SCNN1B: variants seen among roughly 807,000 people sequenced by gnomAD.
SCNN1B encodes the protein epithelial sodium channel subunit beta.
SCNN1B carries 46 observed loss-of-function variants against 65.3 expected under a neutral mutation model. The observed-to-expected ratio is 0.70, with a 90% CI of 0.56 to 0.90. SCNN1B has a LOEUF of 0.90. SCNN1B is among the 40% of genes least tolerant of loss of function. The probability of loss-of-function intolerance (pLI) is 0.00; values close to 1 mark genes in which losing one functional copy is unlikely to be tolerated. For synonymous variants in SCNN1B, 349 were observed against 330.6 expected (o/e 1.06, Z -0.60); for missense variants, 751 against 830.5 (o/e 0.90, Z 1.18).
chr16:23,351,436 A>C (rs1179210221), intron 2 of SCNN1B, among the ~76,000 whole-genome samples: 1 of 152,172 alleles, frequency 6.6e-6, no homozygotes, highest in East Asian at 1.9e-4. Flanking sequence ...AGAAGCTGTG[A>C]ACATCTAGGC....
intron 1 of SCNN1B, among the ~76,000 whole-genome samples, chr16:23,304,272 CAT>C (rs1039900096): frequency 6.6e-5 from 10 of 152,274 alleles, no homozygotes; most frequent in African/African-American, 2.4e-4. Flanking sequence ...CACATGCACA[CAT>C]GTGTGTACAT....
At chr16:23,279,055 G>A (rs1384174079) in intron 1 of SCNN1B, among the ~76,000 whole-genome samples, 3 of 149,538 alleles carry the variant, frequency 2.0e-5, no homozygotes, top group Admixed American at 1.3e-4. Context: ...TCTTTGGTCT[G>A]AAAATTTTGT....
rs544746819 is a variant in SCNN1B at position 23,355,029 on chromosome 16, G to T, written c.586-270G>T. On this transcript the variant is annotated intron_variant, in intron 3 of 12. Transcript: ENST00000343070. Reference sequence around the variant, plus strand: ...GTCACTTCCAAGAGGTTGCTGAGGGGTCTCCTAACCTCCCAGGCCTCACCC... The same window carrying T: ...GTCACTTCCAAGAGGTTGCTGAGGGTTCTCCTAACCTCCCAGGCCTCACCC... Among the ~76,000 whole-genome samples, 3 of 152,238 alleles carry T rather than the reference G, an allele frequency of 2.0e-5. No individual in the cohort carries two copies. The East Asian group carries it at 5.8e-4, about 29-fold the overall frequency.
chr16:23,349,634 C>T (rs1166469877), intron 2 of SCNN1B, among the ~76,000 whole-genome samples: 2 of 152,150 alleles, frequency 1.3e-5, no homozygotes, highest in African/African-American at 4.8e-5. Context: ...TTTATCGATT[C>T]CACGCGTGTT....
At chr16:23,333,214 A>AAGG (rs1567300665) in intron 1 of SCNN1B, among the ~76,000 whole-genome samples, 13 of 69,848 alleles carry the variant, frequency 1.9e-4, no homozygotes, top group South Asian at 1.3e-3. Flanking sequence ...AGGAAGGAAG[A>AAGG]AAGAAAAAAG....
chr16:23,320,994 A>G (rs1323974484), intron 1 of SCNN1B, among the ~76,000 whole-genome samples: 1 of 152,120 alleles, frequency 6.6e-6, no homozygotes, highest in African/African-American at 2.4e-5. Flanking sequence ...TAGATGAGTG[A>G]GCTTAAGGAG....
chr16:23,291,299 G>A (rs1435284447), intron 2 of SCNN1B, among the ~76,000 whole-genome samples: 1 of 152,060 alleles, frequency 6.6e-6, no homozygotes, highest in South Asian at 2.1e-4. Flanking sequence ...CTGACCTCAA[G>A]TGATCCACCT....
intron 3 of SCNN1B, among the ~76,000 whole-genome samples, chr16:23,353,847 G>A (rs1016714024): frequency 1.3e-5 from 2 of 152,244 alleles, no homozygotes; most frequent in Admixed American, 1.3e-4. Flanking sequence ...CTAGAAGTGG[G>A]GAGAAGGTCC....
chr16:23,355,902 G>A (rs996971020), intron 4 of SCNN1B, among the ~76,000 whole-genome samples: 3 of 152,032 alleles, frequency 2.0e-5, no homozygotes, highest in African/African-American at 7.3e-5. Flanking sequence ...ACCAGCCTGG[G>A]TAATATAGTG....
In SCNN1B at chr16:23,380,128, G is replaced by A. The variant is rs943035589; in HGVS notation, c.1501G>A (p.Glu501Lys). The A allele has an allele frequency of 3.7e-6, 6 of 1,614,026 alleles. No individual in the cohort carries two copies. Among genetic ancestry groups the A allele is most frequent in the Non-Finnish European group, 5.1e-6 (6 of 1,180,026 alleles). The change falls in exon 12 of 13, where the codon GAA becomes AAA. Residue 501 changes from glutamate (E) to lysine (K), a missense_variant. Transcript: ENST00000343070. This position sits in a 1 kb window ranked among gnomAD's most constrained non-coding sequence, Gnocchi z 5.4. ...GIVKLNIYFQ[E>K]FNYRTIEESA... ...TGTCAAGCTCAACATCTACTTCCAAGAATTTAACTATCGCACCATTGAAGA... is the reference window on the plus strand; with the variant it reads ...TGTCAAGCTCAACATCTACTTCCAAAAATTTAACTATCGCACCATTGAAGA...
In SCNN1B at chr16:23,348,465, GA is replaced by G. The variant is rs1397739180; in HGVS notation, c.-8-126del. On this transcript the variant is annotated intron_variant, in intron 1 of 12. Coordinates refer to ENST00000343070, the MANE Select transcript of SCNN1B (RefSeq NM_000336.3). The surrounding 1 kb of genome is among the most constrained non-coding windows in gnomAD (Gnocchi z 4.5). ...AAAAGAAGGAAAAAAGGGAGGGAGGGAGGGGGGAGGGTAAAGAGGGAGGAAG... is the reference window on the plus strand; with the variant it reads ...AAAAGAAGGAAAAAAGGGAGGGAGGGGGGGGGAGGGTAAAGAGGGAGGAAG... 8.3e-6 allele frequency: 6 copies of G among 721,654 alleles called. No homozygotes were observed. Among genetic ancestry groups the G allele is most frequent in the Non-Finnish European group, 1.1e-5 (5 of 439,912 alleles). The allele number at this position is 721,654 out of a possible 1,614,324, so 44.7% of individuals were successfully genotyped here. A position where few individuals can be genotyped will look rare whatever the true frequency, so the allele number is the denominator to read the frequency against.
intron 3 of SCNN1B, among the ~76,000 whole-genome samples, chr16:23,354,372 G>C (rs1174634178): frequency 1.3e-5 from 2 of 152,252 alleles, no homozygotes; most frequent in African/African-American, 2.4e-5. Flanking sequence ...GTGTTGGGAA[G>C]GGTGGTGTAA....
intron 1 of SCNN1B, among the ~76,000 whole-genome samples, chr16:23,306,468 G>T (rs906991242): frequency 1.3e-5 from 2 of 152,154 alleles, no homozygotes; most frequent in African/African-American, 4.8e-5. Context: ...ATCAGCACCT[G>T]CCTGGCCCCT....
At chr16:23,283,969 A>G (rs1960817435) in intron 2 of SCNN1B, among the ~76,000 whole-genome samples, 1 of 152,124 alleles carries the variant, frequency 6.6e-6, no homozygotes, top group South Asian at 2.1e-4. Context: ...ATGTTCTCTG[A>G]ATTTGGGGAA....
chr16:23,366,833 T>G (rs1444760335), intron 4 of SCNN1B, among the ~76,000 whole-genome samples: 2 of 152,200 alleles, frequency 1.3e-5, no homozygotes, highest in Non-Finnish European at 2.9e-5. Context: ...CTCCTCTTAT[T>G]TTTAATAAAT....
At chr16:23,349,061 T>C in intron 2 of SCNN1B, 151 bp downstream of exon 2, 1 of 674,718 alleles carries the variant, frequency 1.5e-6, no homozygotes, top group Non-Finnish European at 2.6e-6. Context: ...CCTTTCTCCC[T>C]TTATTACTTT....
At chr16:23,344,789 T>C (rs1477824669) in intron 1 of SCNN1B, among the ~76,000 whole-genome samples, 1 of 151,716 alleles carries the variant, frequency 6.6e-6, no homozygotes, top group Non-Finnish European at 1.5e-5. Flanking sequence ...ATCCCAGGAG[T>C]TCGAGACAAG....
At chr16:23,323,966 C>T (rs1961640438) in intron 1 of SCNN1B, among the ~76,000 whole-genome samples, 1 of 152,168 alleles carries the variant, frequency 6.6e-6, no homozygotes, top group South Asian at 2.1e-4. Context: ...ATTACAGTAG[C>T]CAACCTTCAT....
At chr16:23,311,342 A>G (rs1197743807) in intron 1 of SCNN1B, among the ~76,000 whole-genome samples, 2 of 152,158 alleles carry the variant, frequency 1.3e-5, no homozygotes, top group Non-Finnish European at 2.9e-5. Context: ...AAGGAGGACT[A>G]AGATCTGGAA....
Sources: gnomAD v4.1 joint callset for allele counts (sites outside exome capture counted in the v4.1 genomes callset) on GRCh38, gnomAD v4.1.1 for gene constraint, Gnocchi (gnomAD v3.1) non-coding constraint, MANE v1.5 for transcripts, NCBI Gene and HGNC (gene_info 2026-07-23, HGNC 2026-07-21) for gene names.